Variants in RABGAP1L observed in about 807,000 individuals in gnomAD.
RABGAP1L encodes rab GTPase-activating protein 1-like.
A neutral mutation model predicts 137.7 loss-of-function variants in RABGAP1L; 63 were observed. The ratio of observed to expected loss-of-function variants is 0.46; its 90% CI spans 0.37 to 0.56. RABGAP1L has a LOEUF of 0.56. Ranked by LOEUF, RABGAP1L falls within the 20% of genes least tolerant of loss-of-function variation. The probability of loss-of-function intolerance (pLI) is 0.00; values close to 1 mark genes in which losing one functional copy is unlikely to be tolerated. For missense variants in RABGAP1L, 1,095 were observed against 1,244.0 expected (o/e 0.88, Z 1.80); for synonymous variants, 431 against 433.7 (o/e 0.99, Z 0.08).
intron 7 of RABGAP1L, among the ~76,000 whole-genome samples, chr1:174,253,744 A>C (rs1324940072): frequency 6.6e-6 from 1 of 152,182 alleles, no homozygotes; most frequent in Non-Finnish European, 1.5e-5. Context: ...GAAGTCAATC[A>C]GTACTTCAGT....
rs1687048659 is a variant in RABGAP1L, at chr1:174,781,970, CT to C, written c.2211+29618del. ...ACCATGCTGTTTTGGTTACTGTAGC[CT>C]TGTAATATAATTTGAAGTAAGGTAG... On this transcript the variant is annotated intron_variant, in intron 18 of 25. Transcript: ENST00000681986. 5.9e-5 allele frequency among the ~76,000 whole-genome samples: 9 copies of C among 152,124 alleles called. No homozygotes were observed. In the South Asian group the frequency reaches 1.9e-3, roughly 31 times the overall value.
intron 19 of RABGAP1L, among the ~76,000 whole-genome samples, chr1:174,919,906 T>G (rs1328852498): frequency 6.6e-6 from 1 of 152,144 alleles, no homozygotes; most frequent in Non-Finnish European, 1.5e-5. Flanking sequence ...GTGTTAAGTA[T>G]TAGGTAAGTA....
chr1:174,512,716 A>G (rs1341454553), intron 13 of RABGAP1L, among the ~76,000 whole-genome samples: 10 of 152,136 alleles, frequency 6.6e-5, no homozygotes, highest in Non-Finnish European at 2.9e-5. Context: ...CAGAATTTTC[A>G]TTATCTGGAT....
At chr1:174,638,737 G>A (rs1674272766) in intron 14 of RABGAP1L, among the ~76,000 whole-genome samples, 1 of 145,202 alleles carries the variant, frequency 6.9e-6, no homozygotes, top group African/African-American at 2.6e-5. Context: ...TCCTTTGTAG[G>A]GACATGGATG....
At chr1:174,257,662 C>T (rs1571810682) in intron 7 of RABGAP1L, among the ~76,000 whole-genome samples, 1 of 152,060 alleles carries the variant, frequency 6.6e-6, no homozygotes, top group South Asian at 2.1e-4. Flanking sequence ...CAACTTCTGC[C>T]TGAGTTGAGA....
At chr1:174,695,165 A>T (rs1679157544) in intron 15 of RABGAP1L, among the ~76,000 whole-genome samples, 1 of 151,964 alleles carries the variant, frequency 6.6e-6, no homozygotes, top group Non-Finnish European at 1.5e-5. Context: ...ATCACTTTTC[A>T]ACTCCAGTCC....
intron 13 of RABGAP1L, among the ~76,000 whole-genome samples, chr1:174,481,881 T>TAAAAAAAAAAAAAAAAAAAAA (rs1166772879): frequency 1.7e-5 from 1 of 59,700 alleles, no homozygotes; most frequent in Non-Finnish European, 4.1e-5. Flanking sequence ...TAATAAAAAA[T>TAAAAAAAAAAAAAAAAAAAAA]AAAAAAAAAA....
At chr1:174,240,834 C>T (rs1329989883) in intron 4 of RABGAP1L, among the ~76,000 whole-genome samples, 1 of 152,076 alleles carries the variant, frequency 6.6e-6, no homozygotes, top group Non-Finnish European at 1.5e-5. Flanking sequence ...GAGATGTTAC[C>T]AGGCACGTAT....
chr1:174,394,202 A>C, intron 13 of RABGAP1L, 57 bp downstream of exon 13: 1 of 1,567,466 alleles, frequency 6.4e-7, no homozygotes, highest in Non-Finnish European at 8.7e-7. Context: ...AATAAATCCT[A>C]GTTTTCATAG....
At chr1:174,395,725 C>A (rs1424967576) in intron 13 of RABGAP1L, among the ~76,000 whole-genome samples, 2 of 151,644 alleles carry the variant, frequency 1.3e-5, no homozygotes, top group African/African-American at 2.4e-5. Flanking sequence ...TGGCATATGC[C>A]TGGAGTCTCA....
At chr1:174,267,954 A>G (rs963021291) in intron 7 of RABGAP1L, among the ~76,000 whole-genome samples, 1 of 152,194 alleles carries the variant, frequency 6.6e-6, no homozygotes, top group African/African-American at 2.4e-5. Context: ...CATAGTGACA[A>G]ATGCCTGTGT....
intron 13 of RABGAP1L, among the ~76,000 whole-genome samples, chr1:174,437,290 G>A (rs951346245): frequency 6.6e-5 from 10 of 152,074 alleles, no homozygotes; most frequent in Non-Finnish European, 1.3e-4. Context: ...GAGGAAGTTC[G>A]AACCAATGGC....
At chr1:174,357,248 C>G (rs574980385) in intron 11 of RABGAP1L, among the ~76,000 whole-genome samples, 1 of 152,152 alleles carries the variant, frequency 6.6e-6, no homozygotes, top group East Asian at 1.9e-4. Context: ...TCATACTTTC[C>G]CAAAGTCTCA....
At chr1:174,506,362 G>A (rs776449090) in intron 13 of RABGAP1L, among the ~76,000 whole-genome samples, 2 of 152,084 alleles carry the variant, frequency 1.3e-5, no homozygotes, top group Non-Finnish European at 2.9e-5. Context: ...GGCCCACAAA[G>A]CCTAAGATAT....
chr1:174,344,903 T>C (rs967376879), intron 11 of RABGAP1L, among the ~76,000 whole-genome samples: 12 of 152,150 alleles, frequency 7.9e-5, no homozygotes, highest in Admixed American at 6.5e-4. Context: ...TGTTTTCTTA[T>C]TGTAGCTTCA....
intron 11 of RABGAP1L, among the ~76,000 whole-genome samples, chr1:174,345,735 C>A (rs549105628): frequency 6.6e-6 from 1 of 152,156 alleles, no homozygotes; most frequent in South Asian, 2.1e-4. Flanking sequence ...GCCCTTTATA[C>A]CTTTCTTTTG....
intron 14 of RABGAP1L, among the ~76,000 whole-genome samples, chr1:174,669,968 T>C (rs560685665): frequency 2.4e-4 from 36 of 152,308 alleles, no homozygotes; most frequent in Middle Eastern, 6.8e-3. Flanking sequence ...TCAAGGTCTT[T>C]TGTGGTTCAA....
Position 174,959,665 on chromosome 1 carries a change from C to G in RABGAP1L, c.2433+2116C>G, listed in dbSNP as rs369500280. ...TATCGGATACCCTCTATTGCTATTTCTTTTAGATTATTGTGATAACTTGTC... is the reference window on the plus strand; with the variant it reads ...TATCGGATACCCTCTATTGCTATTTGTTTTAGATTATTGTGATAACTTGTC... On this transcript the variant is annotated intron_variant, in intron 20 of 25. Transcript: ENST00000681986. 7.9e-5 allele frequency among the ~76,000 whole-genome samples: 12 copies of G among 152,228 alleles called. 1 individual carries two copies. Among genetic ancestry groups the G allele is most frequent in the African/African-American group, 2.9e-4 (12 of 41,562 alleles).
At chr1:174,186,903 C>T (rs1340017919) in intron 1 of RABGAP1L, among the ~76,000 whole-genome samples, 4 of 152,180 alleles carry the variant, frequency 2.6e-5, no homozygotes, top group African/African-American at 9.7e-5. Flanking sequence ...TATAATGCTT[C>T]ATTGTAGATT....
Sources: gnomAD v4.1 joint callset for allele counts (sites outside exome capture counted in the v4.1 genomes callset) on GRCh38, gnomAD v4.1.1 for gene constraint, MANE v1.5 for transcripts, NCBI Gene and HGNC (gene_info 2026-07-23, HGNC 2026-07-21) for gene names.